Variants in CFAP20DC observed in about 807,000 individuals in gnomAD.
CFAP20DC encodes CFAP20 domain containing.
CFAP20DC carries 84 observed loss-of-function variants against 101.7 expected under a neutral mutation model. The ratio of observed to expected loss-of-function variants is 0.83; its 90% CI spans 0.69 to 0.99. The LOEUF is 0.99. Among genes scored for constraint, CFAP20DC ranks in the 50% least tolerant of loss-of-function variants. CFAP20DC has a pLI of 0.00. For missense variants in CFAP20DC, 1,007 were observed against 970.3 expected, an observed-to-expected ratio of 1.04 and a Z score of -0.50; for synonymous variants, 359 against 351.2, an observed-to-expected ratio of 1.02 and a Z score of -0.25.
In CFAP20DC at chr3:58,799,733, CTG is replaced by C. The variant is rs112827949; in HGVS notation, c.2237+6660_2237+6661del. Among the ~76,000 whole-genome samples the C allele has an allele frequency of 0.11, 15,698 of 142,442 alleles. 790 individuals are homozygous for C. Among genetic ancestry groups the C allele is most frequent in the Non-Finnish European group, 0.13 (8,009 of 63,836 alleles). 93.4% of individuals were successfully genotyped at this position (142,442 alleles called of 152,430 possible). Reference sequence around the variant, plus strand: ...AGTGTGTGTGTGTCTGTGTGTGTGTCTGTGTGTGTGTGTGTGTGTGTGTGTGT... The same window carrying C: ...AGTGTGTGTGTGTCTGTGTGTGTGTCTGTGTGTGTGTGTGTGTGTGTGTGT... On this transcript the variant is annotated intron_variant, in intron 15 of 16. Coordinates refer to ENST00000482387, the MANE Select transcript of CFAP20DC (RefSeq NM_001394063.1). This position sits in a 1 kb window ranked among gnomAD's most constrained non-coding sequence, Gnocchi z 4.9.
chr3:59,032,412 C>G lies in CFAP20DC; in HGVS notation c.278+7145G>C, dbSNP rs566723247. Among the ~76,000 whole-genome samples, 8 of 152,252 alleles carry G rather than the reference C, an allele frequency of 5.3e-5. No individual in the cohort carries two copies. The South Asian group carries it at 1.5e-3, about 28-fold the overall frequency. ...GCCAAGTGGTCTAGCTCAGCAGATC[C>G]CACCCCTACAGAGTCCAGCAAGCTA... On this transcript the variant is annotated intron_variant, in intron 4 of 16. Transcript: ENST00000482387.
chr3:58,765,537 C>T lies in CFAP20DC; in HGVS notation c.2238-11674G>A, dbSNP rs1288625268. Reference sequence around the variant, plus strand: ...CAGAAACACAAAACATGAGCTGTACCCATCCATTTGTTCCTGTGAAGGAAT... The same window carrying T: ...CAGAAACACAAAACATGAGCTGTACTCATCCATTTGTTCCTGTGAAGGAAT... On this transcript the variant is annotated intron_variant, in intron 15 of 16. Transcript: ENST00000482387. 1.3e-4 allele frequency among the ~76,000 whole-genome samples: 19 copies of T among 150,068 alleles called. 1 individual carries two copies. The highest frequency in any genetic ancestry group is 1.2e-3 in the Admixed American group (18 of 15,090).
intron 5 of CFAP20DC, among the ~76,000 whole-genome samples, chr3:58,932,126 G>C (rs538949888): frequency 6.6e-6 from 1 of 152,230 alleles, no homozygotes; most frequent in Non-Finnish European, 1.5e-5. Flanking sequence ...CGTGAAGAAT[G>C]CAGAAGCCTC....
At chr3:58,932,348 T>C (rs1371395684) in intron 5 of CFAP20DC, among the ~76,000 whole-genome samples, 1 of 152,162 alleles carries the variant, frequency 6.6e-6, no homozygotes, top group Admixed American at 6.5e-5. Flanking sequence ...GAAAACACTC[T>C]GCAGGATATT....
intron 3 of CFAP20DC, among the ~76,000 whole-genome samples, chr3:58,725,047 A>T (rs1000904468): frequency 1.1e-4 from 17 of 152,244 alleles, no homozygotes; most frequent in African/African-American, 4.1e-4. Flanking sequence ...TGGCAATAAT[A>T]GCTTGGTATG....
intron 14 of CFAP20DC, among the ~76,000 whole-genome samples, chr3:58,825,032 TA>T (rs1463385596): frequency 2.6e-5 from 4 of 152,100 alleles, no homozygotes; most frequent in Non-Finnish European, 5.9e-5. Context: ...AGCTGCACAA[TA>T]AACCTACTTT....
rs1035162017 is a variant in CFAP20DC, at chr3:58,827,439, G to A, written c.2175+4247C>T. ...GTATGTTGGGTGGGGGGTGGGTAGC[G>A]AGACAAGCAAAACTCATTTCAAGTG... is the stretch of plus-strand genomic sequence containing the variant. On this transcript the variant is annotated intron_variant, in intron 14 of 16. Transcript: ENST00000482387. Among the ~76,000 whole-genome samples the A allele has an allele frequency of 4.7e-5, 7 of 150,420 alleles. No homozygotes were observed. The South Asian group carries it at 1.3e-3, about 27-fold the overall frequency.
rs2081462082 is a variant in CFAP20DC at position 58,884,530 on chromosome 3, T to C, written c.715+15A>G. On this transcript the variant is annotated intron_variant, in intron 7 of 16. Transcript: ENST00000482387. Reference sequence around the variant, plus strand: ...AGACATATTACACTTATAATTTAGGTGCCTGAGTGTCTACCTGATTCTGCT... The same window carrying C: ...AGACATATTACACTTATAATTTAGGCGCCTGAGTGTCTACCTGATTCTGCT... 1 of 1,612,362 alleles carries C rather than the reference T, an allele frequency of 6.2e-7. No individual in the cohort carries two copies. Among genetic ancestry groups the C allele is most frequent in the African/African-American group, 1.3e-5 (1 of 74,856 alleles).
chr3:58,939,522 A>C (rs1163363569), intron 4 of CFAP20DC, among the ~76,000 whole-genome samples: 3 of 151,996 alleles, frequency 2.0e-5, no homozygotes, highest in African/African-American at 7.2e-5. Flanking sequence ...GCAGTGGCGC[A>C]ATCTCGGCTC....
Position 58,846,364 on chromosome 3 carries a change from CCAA to C in CFAP20DC, c.1971+2665_1971+2667del, listed in dbSNP as rs1379932441. Among the ~76,000 whole-genome samples, 670 of 151,240 alleles carry C rather than the reference CCAA, an allele frequency of 4.4e-3. 5 individuals carry two copies. The highest frequency in any genetic ancestry group is 0.015 in the African/African-American group (633 of 41,042). On this transcript the variant is annotated intron_variant, in intron 13 of 16. Transcript: ENST00000482387. ...CAAAAATCACAAGCATTCTGATACA[CCAA>C]CAACAGACAAACAGAGAGCCAAATC...
Position 58,869,674 on chromosome 3 carries a change from C to T in CFAP20DC, c.853-184G>A, listed in dbSNP as rs954682606. 7.9e-5 allele frequency among the ~76,000 whole-genome samples: 12 copies of T among 151,984 alleles called. No individual in the cohort carries two copies. The South Asian group carries it at 1.0e-3, about 13-fold the overall frequency. On this transcript the variant is annotated intron_variant, in intron 8 of 16. Transcript: ENST00000482387. This position sits in a 1 kb window ranked among gnomAD's most constrained non-coding sequence, Gnocchi z 4.3. Reference sequence around the variant, plus strand: ...ATTAGAAATGGAAGGAGAAAAATAACGAGATAAAATAGAAGACATGCAAGT... The same window carrying T: ...ATTAGAAATGGAAGGAGAAAAATAATGAGATAAAATAGAAGACATGCAAGT...
chr3:58,893,136 C>T (rs532149692), intron 6 of CFAP20DC, among the ~76,000 whole-genome samples: 4 of 151,844 alleles, frequency 2.6e-5, no homozygotes, highest in South Asian at 4.2e-4. Flanking sequence ...CTCTGCCTCC[C>T]GGGTTCATGC....
chr3:58,814,001 G>T (rs572005545), intron 14 of CFAP20DC, among the ~76,000 whole-genome samples: 1 of 151,810 alleles, frequency 6.6e-6, no homozygotes. Flanking sequence ...GGCCTAACAG[G>T]TTCTCTGGAC....
intron 5 of CFAP20DC, among the ~76,000 whole-genome samples, chr3:58,931,150 C>G (rs372338072): frequency 6.6e-6 from 1 of 152,188 alleles, no homozygotes; most frequent in East Asian, 1.9e-4. Context: ...GTCCTACGCC[C>G]ACGGAGTCTC....
intron 5 of CFAP20DC, among the ~76,000 whole-genome samples, chr3:58,930,455 C>A (rs2086485897): frequency 6.6e-6 from 1 of 152,144 alleles, no homozygotes; most frequent in Non-Finnish European, 1.5e-5. Context: ...GAACATGTAC[C>A]TTTTGTGAAA....
chr3:59,041,746 A>G (rs569789970), intron 3 of CFAP20DC, among the ~76,000 whole-genome samples: 1 of 152,242 alleles, frequency 6.6e-6, no homozygotes, highest in South Asian at 2.1e-4. Context: ...ACAAAACAGG[A>G]ATTAGTTATC....
At chr3:58,950,552 T>C (rs184482109) in intron 4 of CFAP20DC, among the ~76,000 whole-genome samples, 5 of 152,190 alleles carry the variant, frequency 3.3e-5, no homozygotes, top group South Asian at 2.1e-4. Context: ...GGTACTGGTA[T>C]CAAAACAGAG....
chr3:58,983,936 G>T (rs897982434), intron 4 of CFAP20DC, among the ~76,000 whole-genome samples: 2 of 152,112 alleles, frequency 1.3e-5, no homozygotes, highest in Non-Finnish European at 2.9e-5. Context: ...AAACCACTTT[G>T]ATATATACTG....
chr3:59,049,686 G>A lies in CFAP20DC; in HGVS notation c.-55C>T. 1 of 1,529,798 alleles carries A rather than the reference G, an allele frequency of 6.5e-7. No homozygotes were observed. Among genetic ancestry groups the A allele is most frequent in the South Asian group, 1.2e-5 (1 of 83,430 alleles). 94.8% of individuals were successfully genotyped at this position (1,529,798 alleles called of 1,614,324 possible). ...ACAGAGTTCAGGGTTTCCAGCGAGT[G>A]GCGTGACCCTGACGGCTGGAAATCG... On this transcript the variant is annotated 5_prime_UTR_variant, in exon 1 of 17. Coordinates refer to ENST00000482387, the MANE Select transcript of CFAP20DC (RefSeq NM_001394063.1).
Sources: gnomAD v4.1 joint callset for allele counts (sites outside exome capture counted in the v4.1 genomes callset) on GRCh38, gnomAD v4.1.1 for gene constraint, Gnocchi (gnomAD v3.1) non-coding constraint, MANE v1.5 for transcripts, NCBI Gene and HGNC (gene_info 2026-07-23, HGNC 2026-07-21) for gene names.